Variants in LMNTD1 observed in about 807,000 individuals in gnomAD.
LMNTD1 encodes lamin tail domain containing 1, also known as lamin tail domain-containing protein 1.
In LMNTD1, 35 loss-of-function variants were observed where a neutral mutation model predicts 50.9. The ratio of observed to expected loss-of-function variants is 0.69; its 90% confidence interval spans 0.53 to 0.91. The LOEUF is 0.91. LMNTD1 is among the 40% of genes least tolerant of loss of function. LMNTD1 has a pLI of 0.00. For synonymous variants in LMNTD1, 153 were observed against 161.9 expected, an observed-to-expected ratio of 0.94 and a Z score of 0.42; for missense variants, 470 against 475.5, an observed-to-expected ratio of 0.99 and a Z score of 0.11.
intron 1 of LMNTD1, among the ~76,000 whole-genome samples, chr12:25,578,050 CT>C (rs1401138345): frequency 6.6e-6 from 1 of 152,124 alleles, no homozygotes; most frequent in Non-Finnish European, 1.5e-5. Flanking sequence ...TGTCCACGTG[CT>C]TATTTGTTCT....
intron 9 of LMNTD1, among the ~76,000 whole-genome samples, chr12:25,500,435 C>T (rs1461966379): frequency 6.6e-6 from 1 of 152,106 alleles, no homozygotes; most frequent in African/African-American, 2.4e-5. Flanking sequence ...CCACTGAGGA[C>T]AGTAAGAGAT....
At chr12:25,599,886 C>A (rs1945922888) in intron 1 of LMNTD1, among the ~76,000 whole-genome samples, 1 of 151,936 alleles carries the variant, frequency 6.6e-6, no homozygotes. Context: ...AAGCCATTTA[C>A]TGATTCAGTG....
chr12:25,541,015 AC>A (rs1469182968), intron 4 of LMNTD1, among the ~76,000 whole-genome samples: 1 of 128,350 alleles, frequency 7.8e-6, no homozygotes, highest in Admixed American at 8.9e-5. Context: ...AATCCAACTT[AC>A]AAGGGATGTG....
upstream of LMNTD1, among the ~76,000 whole-genome samples, chr12:25,554,666 C>T (rs1371633073): frequency 4.6e-5 from 7 of 152,116 alleles, no homozygotes; most frequent in Non-Finnish European, 8.8e-5. Flanking sequence ...AGACAGAACC[C>T]AGAGATGCTA....
At chr12:25,496,507 T>C (rs1939073998) in intron 9 of LMNTD1, among the ~76,000 whole-genome samples, 1 of 152,154 alleles carries the variant, frequency 6.6e-6, no homozygotes, top group Admixed American at 6.5e-5. Flanking sequence ...ATTGACAGTT[T>C]TCTGAAAATG....
chr12:25,478,146 C>A (rs1012207487), intron 9 of LMNTD1, among the ~76,000 whole-genome samples: 5 of 152,106 alleles, frequency 3.3e-5, no homozygotes, highest in Middle Eastern at 3.2e-3. Flanking sequence ...TTTGGCAACA[C>A]CCTCACAGAC....
chr12:25,538,900 C>CA (rs1942836076), intron 4 of LMNTD1, among the ~76,000 whole-genome samples: 1 of 136,706 alleles, frequency 7.3e-6, no homozygotes, highest in Admixed American at 7.6e-5. Context: ...AAATGGAAAA[C>CA]AAAAAAAGGC....
chr12:25,593,536 C>T (rs1372273411), intron 1 of LMNTD1, among the ~76,000 whole-genome samples: 3 of 151,964 alleles, frequency 2.0e-5, no homozygotes, highest in Non-Finnish European at 2.9e-5. Flanking sequence ...GGGACCATCC[C>T]ATGGGACAAA....
intron 1 of LMNTD1, among the ~76,000 whole-genome samples, chr12:25,595,846 A>G (rs1945833221): frequency 6.6e-6 from 1 of 152,158 alleles, no homozygotes; most frequent in African/African-American, 2.4e-5. Context: ...CATTAGCAAG[A>G]TTAACCAAGA....
chr12:25,497,629 T>G (rs906876581), intron 9 of LMNTD1: 1 of 152,054 alleles, frequency 6.6e-6, no homozygotes, highest in Non-Finnish European at 1.5e-5. Context: ...GAAACCTCGT[T>G]GCTACTAAAA....
At chr12:25,616,721 T>C (rs1400033496) in intron 1 of LMNTD1, among the ~76,000 whole-genome samples, 2 of 152,170 alleles carry the variant, frequency 1.3e-5, no homozygotes, top group Non-Finnish European at 2.9e-5. Context: ...GAATCTACAA[T>C]TATTTCAAAA....
chr12:25,538,954 A>G (rs1942842215), intron 4 of LMNTD1, among the ~76,000 whole-genome samples: 1 of 148,236 alleles, frequency 6.7e-6, no homozygotes, highest in Admixed American at 6.7e-5. Flanking sequence ...CTTTAAACCA[A>G]CAAAGATCAA....
intron 1 of LMNTD1, among the ~76,000 whole-genome samples, chr12:25,594,701 G>C (rs1418216402): frequency 4.7e-5 from 6 of 126,906 alleles, no homozygotes; most frequent in Non-Finnish European, 1.0e-4. Flanking sequence ...GCAACAAATA[G>C]CATGGTGAAT....
chr12:25,571,883 C>T (rs1944814045), intron 1 of LMNTD1, among the ~76,000 whole-genome samples: 2 of 152,090 alleles, frequency 1.3e-5, no homozygotes, highest in South Asian at 4.1e-4. Context: ...GTTAGCCATG[C>T]TGGTCTCAAA....
At chr12:25,637,873 G>C (rs1447134044) in intron 1 of LMNTD1, among the ~76,000 whole-genome samples, 1 of 151,746 alleles carries the variant, frequency 6.6e-6, no homozygotes, top group Non-Finnish European at 1.5e-5. Flanking sequence ...ATATTAAGAA[G>C]CCATGTTACA....
intron 1 of LMNTD1, among the ~76,000 whole-genome samples, chr12:25,634,646 G>A (rs956247023): frequency 6.6e-6 from 1 of 152,048 alleles, no homozygotes; most frequent in Non-Finnish European, 1.5e-5. Flanking sequence ...TGGCATACAA[G>A]GGACATAGCT....
At chr12:25,637,144 T>C (rs920674820) in intron 1 of LMNTD1, among the ~76,000 whole-genome samples, 1 of 152,028 alleles carries the variant, frequency 6.6e-6, no homozygotes, top group Non-Finnish European at 1.5e-5. Flanking sequence ...TGTAAATAAA[T>C]AAATTAATTA....
At chr12:25,618,793 T>A (rs1946401381) in intron 1 of LMNTD1, among the ~76,000 whole-genome samples, 1 of 152,224 alleles carries the variant, frequency 6.6e-6, no homozygotes, top group Non-Finnish European at 1.5e-5. Flanking sequence ...TAAGCCTAAA[T>A]AAGCTTCAAC....
At chr12:25,583,626 T>A (rs921586414) in intron 1 of LMNTD1, among the ~76,000 whole-genome samples, 1 of 152,206 alleles carries the variant, frequency 6.6e-6, no homozygotes, top group African/African-American at 2.4e-5. Flanking sequence ...GTCCTTGTAA[T>A]CTTGTACCTG....
Sources: gnomAD v4.1 joint callset for allele counts (sites outside exome capture counted in the v4.1 genomes callset) on GRCh38, gnomAD v4.1.1 for gene constraint, MANE v1.5 for transcripts, NCBI Gene and HGNC (gene_info 2026-07-23, HGNC 2026-07-21) for gene names.